Variants in PRRX2 observed in about 807,000 individuals in gnomAD.
PRRX2 encodes paired related homeobox 2, also known as paired mesoderm homeobox protein 2.
A neutral mutation model predicts 18.0 loss-of-function variants in PRRX2; 11 were observed. The ratio of observed to expected loss-of-function variants is 0.61; its 90% CI spans 0.39 to 1.01. PRRX2 has a LOEUF of 1.01. PRRX2 is among the 50% of genes least tolerant of loss of function. The pLI is 0.01. For missense variants in PRRX2, 387 were observed against 351.0 expected (o/e 1.10, Z -0.82); for synonymous variants, 177 against 154.8 (o/e 1.14, Z -1.06).
At chr9:129,700,299 CAGTGGGGTGCT>C (rs1381756825) in intron 1 of PRRX2, among the ~76,000 whole-genome samples, 3 of 151,088 alleles carry the variant, frequency 2.0e-5, no homozygotes, top group Admixed American at 2.0e-4. Flanking sequence ...AGCTCTTCCT[CAGTGGGGTGCT>C]GTATTTTTTT....
intron 1 of PRRX2, among the ~76,000 whole-genome samples, chr9:129,673,870 CAGAG>C (rs1445045205): frequency 6.6e-6 from 1 of 152,128 alleles, no homozygotes; most frequent in Non-Finnish European, 1.5e-5. Flanking sequence ...CCTGTTTAGA[CAGAG>C]GGAGGTTGGG....
intron 1 of PRRX2, among the ~76,000 whole-genome samples, chr9:129,673,687 C>G (rs1832127724): frequency 6.6e-6 from 1 of 152,146 alleles, no homozygotes; most frequent in Admixed American, 6.5e-5. Context: ...CAGGCACACA[C>G]ACGCCCCTCA....
chr9:129,704,155 G>A (rs1832531953), intron 1 of PRRX2, among the ~76,000 whole-genome samples: 1 of 152,240 alleles, frequency 6.6e-6, no homozygotes, highest in Non-Finnish European at 1.5e-5. Context: ...GGTTCGTAGA[G>A]TTCCTCAGAG....
At chr9:129,677,113 C>T (rs989787348) in intron 1 of PRRX2, among the ~76,000 whole-genome samples, 2 of 152,202 alleles carry the variant, frequency 1.3e-5, no homozygotes, top group Non-Finnish European at 2.9e-5. Flanking sequence ...TGTTTTGAGG[C>T]GTGGTGCTGG....
chr9:129,718,605 A>G (rs149278362), intron 1 of PRRX2: 3 of 152,278 alleles, frequency 2.0e-5, no homozygotes, highest in East Asian at 3.9e-4. Context: ...TCCACCAACA[A>G]TGACTCCACT....
At chr9:129,721,328 G>A (rs1354829692) in intron 3 of PRRX2, among the ~76,000 whole-genome samples, 1 of 152,130 alleles carries the variant, frequency 6.6e-6, no homozygotes, top group Non-Finnish European at 1.5e-5. Context: ...GGGCAGTTTT[G>A]TCTGGATCAA....
At chr9:129,707,362 T>A (rs1832569993) in intron 1 of PRRX2, among the ~76,000 whole-genome samples, 1 of 152,232 alleles carries the variant, frequency 6.6e-6, no homozygotes, top group Admixed American at 6.5e-5. Flanking sequence ...AACCCACAGT[T>A]ACCATCTCTA....
At position 129,719,217 on chromosome 9, in the gene PRRX2, C is replaced by CT. The variant is rs200713340; in HGVS notation, c.260-14_260-13insT. Reference sequence around the variant, plus strand: ...GCCGTCCTGCTGACCATCCCGCCCCCCCAACCTCCGCAGGTGAGTGTCCCA... The same window carrying CT: ...GCCGTCCTGCTGACCATCCCGCCCCCTCCAACCTCCGCAGGTGAGTGTCCCA... On this transcript the variant is annotated splice_polypyrimidine_tract_variant and intron_variant, in intron 1 of 3. Transcript: ENST00000372469. The CT allele has an allele frequency of 1.3e-6, 2 of 1,558,604 alleles. No individual in the cohort carries two copies. Among genetic ancestry groups the CT allele is most frequent in the South Asian group, 2.4e-5 (2 of 83,554 alleles).
rs1451019912 is a variant in PRRX2, at chr9:129,695,747, C to T, written c.260-23484C>T. Among the ~76,000 whole-genome samples, 2 of 152,218 alleles carry T rather than the reference C, an allele frequency of 1.3e-5. No homozygotes were observed. Among genetic ancestry groups the T allele is most frequent in the Non-Finnish European group, 2.9e-5 (2 of 68,034 alleles). Reference sequence around the variant, plus strand: ...ACCAGGCCATTATGGGCCTCACTACCTTTAGGCGGGGAACTTTTTAAAAGT... The same window carrying T: ...ACCAGGCCATTATGGGCCTCACTACTTTTAGGCGGGGAACTTTTTAAAAGT... On this transcript the variant is annotated intron_variant, in intron 1 of 3. Coordinates refer to ENST00000372469, the MANE Select transcript of PRRX2 (RefSeq NM_016307.4). The surrounding 1 kb of genome is among the most constrained non-coding windows in gnomAD (Gnocchi z 4.8).
chr9:129,665,918 G>A lies in PRRX2; in HGVS notation c.51G>A (p.Pro17=), dbSNP rs1588158612. The part of the protein sequence containing the change: ...AFALDKPALG[P]GPPPPPPALG... The stretch of plus-strand genomic sequence containing the variant: ...CCCTGGACAAGCCGGCGCTGGGCCC[G>A]GGGCCGCCGCCGCCTCCACCCGCGC... The change falls in exon 1 of 4, where the codon CCG becomes CCA. Residue 17 remains proline, a synonymous_variant. Transcript: ENST00000372469. This position sits in a 1 kb window ranked among gnomAD's most constrained non-coding sequence, Gnocchi z 5.3. 2 of 1,114,390 alleles carry A rather than the reference G, an allele frequency of 1.8e-6. No individual in the cohort carries two copies. Among genetic ancestry groups the A allele is most frequent in the Admixed American group, 5.1e-5 (1 of 19,694 alleles). The allele number at this position is 1,114,390 out of a possible 1,614,324, so 69.0% of individuals were successfully genotyped here.
intron 1 of PRRX2, among the ~76,000 whole-genome samples, chr9:129,677,724 C>G (rs1325636721): frequency 2.0e-5 from 3 of 152,248 alleles, no homozygotes; most frequent in African/African-American, 7.2e-5. Flanking sequence ...GAAGGCCAGC[C>G]TCTCCCGCAG....
At chr9:129,673,749 A>G (rs1364177422) in intron 1 of PRRX2, among the ~76,000 whole-genome samples, 2 of 152,126 alleles carry the variant, frequency 1.3e-5, no homozygotes, top group African/African-American at 4.8e-5. Flanking sequence ...GTTAGTGGTC[A>G]GGGTGGCCGC....
At chr9:129,685,172 A>G (rs1832286835) in intron 1 of PRRX2, among the ~76,000 whole-genome samples, 1 of 152,170 alleles carries the variant, frequency 6.6e-6, no homozygotes, top group Non-Finnish European at 1.5e-5. Flanking sequence ...TTCCAAGCAC[A>G]GGCCTGGGAG....
rs1415884580 is a variant in PRRX2 at position 129,684,460 on chromosome 9, C to CACACACACACACACACACACACA, written c.259+18334_259+18335insACACACACACACACACACACACA. On this transcript the variant is annotated intron_variant, in intron 1 of 3. Transcript: ENST00000372469. ...CACACACACACACACACACACACAC[C>CACACACACACACACACACACACA]CAACAGAAAAGATACCAGAAATCAC... Among the ~76,000 whole-genome samples the CACACACACACACACACACACACA allele has an allele frequency of 9.7e-4, 122 of 125,190 alleles. 2 individuals carry two copies. Among genetic ancestry groups the CACACACACACACACACACACACA allele is most frequent in the Admixed American group, 1.9e-3 (23 of 12,306 alleles). 82.1% of individuals were successfully genotyped at this position (125,190 alleles called of 152,430 possible). A position where few individuals can be genotyped will look rare whatever the true frequency, so the allele number is the denominator to read the frequency against.
chr9:129,684,515 CACA>C (rs1564147452), intron 1 of PRRX2, among the ~76,000 whole-genome samples: 863 of 45,496 alleles, frequency 0.019, 14 homozygotes, highest in South Asian at 0.09. Context: ...CACACACACA[CACA>C]CACACCCACA....
At chr9:129,710,033 A>G (rs35409917) in intron 1 of PRRX2, among the ~76,000 whole-genome samples, 26,171 of 152,166 alleles carry the variant, frequency 0.17, 2,819 homozygotes, top group East Asian at 0.34. Context: ...ACCCTACAGT[A>G]TAACAGAGCT....
At chr9:129,698,189 A>G (rs1832450399) in intron 1 of PRRX2, among the ~76,000 whole-genome samples, 1 of 143,074 alleles carries the variant, frequency 7.0e-6, no homozygotes, top group East Asian at 2.3e-4. Context: ...CGCAGGGCCT[A>G]TAAAGTGAGC....
chr9:129,704,897 T>C (rs909824571), intron 1 of PRRX2, among the ~76,000 whole-genome samples: 14 of 152,162 alleles, frequency 9.2e-5, no homozygotes, highest in Non-Finnish European at 1.9e-4. Flanking sequence ...AGCTCTTAAA[T>C]GGGAGAGAAA....
rs969659826 is a variant in PRRX2, at chr9:129,690,943, G to A, written c.259+24817G>A. Among the ~76,000 whole-genome samples, 7 of 152,120 alleles carry A rather than the reference G, an allele frequency of 4.6e-5. No individual in the cohort carries two copies. In the South Asian group the frequency reaches 1.0e-3, roughly 22 times the overall value. ...TTTAGGTGGGCTGTAAACTAGAGTG[G>A]TGTGCTTGTGCCCGCTTGTCCTACT... On this transcript the variant is annotated intron_variant, in intron 1 of 3. Transcript: ENST00000372469.
Sources: allele counts gnomAD v4.1 joint callset (sites outside exome capture counted in the v4.1 genomes callset), GRCh38; gene constraint gnomAD v4.1.1; non-coding constraint Gnocchi (gnomAD v3.1); transcripts MANE v1.5; gene names NCBI Gene and HGNC (gene_info 2026-07-23, HGNC 2026-07-21).